The following DLG2 variants were observed in gnomAD, a reference collection of about 807,000 sequenced individuals.
DLG2 encodes the protein discs large MAGUK scaffold protein 2, also known as disks large homolog 2.
A neutral mutation model predicts 132.5 loss-of-function variants in DLG2; 45 were observed. That is an observed-to-expected ratio of 0.34 (90% CI 0.27 to 0.44). The LOEUF (loss-of-function observed/expected upper bound fraction) is 0.44. Among genes scored for constraint, DLG2 ranks in the 20% least tolerant of loss-of-function variants. The pLI, the probability that DLG2 is intolerant of heterozygous loss-of-function variation, is 1.00. For missense variants in DLG2, 1,045 were observed against 1,196.9 expected (o/e 0.87, Z 1.87); for synonymous variants, 424 against 419.6 (o/e 1.01, Z -0.13).
At chr11:84,725,089 T>A (rs917131241) in intron 6 of DLG2, among the ~76,000 whole-genome samples, 14 of 152,134 alleles carry the variant, frequency 9.2e-5, no homozygotes, top group Non-Finnish European at 1.6e-4. Context: ...AGAATATTGA[T>A]AACAGTAATA....
chr11:84,854,233 C>T (rs1344169929), intron 6 of DLG2, among the ~76,000 whole-genome samples: 1 of 151,986 alleles, frequency 6.6e-6, no homozygotes, highest in African/African-American at 2.4e-5. Context: ...GGCCCTCTTA[C>T]AATCTCTTGT....
chr11:84,587,222 T>G (rs2099531930), intron 6 of DLG2, among the ~76,000 whole-genome samples: 1 of 152,150 alleles, frequency 6.6e-6, no homozygotes, highest in South Asian at 2.1e-4. Flanking sequence ...AATCCCAAAT[T>G]TATTTTCTTT....
intron 7 of DLG2, among the ~76,000 whole-genome samples, chr11:84,369,563 G>T (rs2098697866): frequency 6.6e-6 from 1 of 152,118 alleles, no homozygotes; most frequent in Admixed American, 6.6e-5. Flanking sequence ...ATACACACAA[G>T]GAATAGCTTC....
chr11:85,212,223 G>T (rs994561171), intron 4 of DLG2, among the ~76,000 whole-genome samples: 2 of 152,050 alleles, frequency 1.3e-5, no homozygotes, highest in Non-Finnish European at 2.9e-5. Flanking sequence ...TTGCTCTTGA[G>T]ATCATTCATC....
At chr11:85,279,754 A>G (rs1047756591) in intron 4 of DLG2, among the ~76,000 whole-genome samples, 3 of 152,182 alleles carry the variant, frequency 2.0e-5, no homozygotes, top group African/African-American at 7.2e-5. Context: ...TTAAATGTCA[A>G]GAGCCTCATA....
At chr11:84,632,549 C>A (rs964175565) in intron 6 of DLG2, among the ~76,000 whole-genome samples, 1 of 152,118 alleles carries the variant, frequency 6.6e-6, no homozygotes, top group Admixed American at 6.6e-5. Flanking sequence ...CTAAAAGGAG[C>A]ATTTACCATA....
intron 3 of DLG2, among the ~76,000 whole-genome samples, chr11:85,546,983 G>A (rs1178780191): frequency 6.6e-6 from 1 of 151,898 alleles, no homozygotes; most frequent in Non-Finnish European, 1.5e-5. Context: ...TCTTTTAATT[G>A]GGGCATTTAG....
At chr11:83,536,248 C>T (rs1371754913) in intron 20 of DLG2, among the ~76,000 whole-genome samples, 2 of 152,188 alleles carry the variant, frequency 1.3e-5, no homozygotes, top group Non-Finnish European at 2.9e-5. Flanking sequence ...TAGCATACCA[C>T]AAGAAGTTGA....
rs74961782 is a variant in DLG2, at chr11:84,958,688, C to T, written c.357+152973G>A. Reference sequence around the variant, plus strand: ...GACAGAGTAAACTCTGGTGGGAGTACTCTTTTGGGAGTTCTGCTCGCTGTC... The same window carrying T: ...GACAGAGTAAACTCTGGTGGGAGTATTCTTTTGGGAGTTCTGCTCGCTGTC... On this transcript the variant is annotated intron_variant, in intron 6 of 27. Coordinates refer to ENST00000376104, the MANE Select transcript of DLG2 (RefSeq NM_001142699.3). Among the ~76,000 whole-genome samples, 1,622 of 152,244 alleles carry T rather than the reference C, an allele frequency of 0.011. 82 individuals are homozygous for T. The East Asian group carries it at 0.15, about 14-fold the overall frequency.
At chr11:84,834,919 T>G (rs2097059) in intron 6 of DLG2, among the ~76,000 whole-genome samples, 88,845 of 151,204 alleles carry the variant, frequency 0.59, 27,343 homozygotes, top group Middle Eastern at 0.78. Flanking sequence ...AAAAAATTTT[T>G]GGGAAAAAAT....
At chr11:84,782,987 T>C (rs919471717) in intron 6 of DLG2, among the ~76,000 whole-genome samples, 5 of 152,158 alleles carry the variant, frequency 3.3e-5, no homozygotes, top group African/African-American at 1.2e-4. Flanking sequence ...CCTTCCTATG[T>C]ATGAAGCACA....
At chr11:83,859,847 TC>T (rs2061162212) in intron 16 of DLG2, among the ~76,000 whole-genome samples, 1 of 151,906 alleles carries the variant, frequency 6.6e-6, no homozygotes, top group Admixed American at 6.6e-5. Flanking sequence ...AGGCCCAGGG[TC>T]CCTCTTCCGT....
At chr11:84,601,266 G>T (rs1479335500) in intron 6 of DLG2, among the ~76,000 whole-genome samples, 1 of 151,992 alleles carries the variant, frequency 6.6e-6, no homozygotes, top group Non-Finnish European at 1.5e-5. Flanking sequence ...CACATACAGA[G>T]AATATTGCTC....
chr11:85,608,103 T>G (rs777472156), intron 2 of DLG2, among the ~76,000 whole-genome samples: 1 of 152,162 alleles, frequency 6.6e-6, no homozygotes, highest in Non-Finnish European at 1.5e-5. Flanking sequence ...AAACTAGTGT[T>G]TCTGCTGCTG....
At chr11:84,782,852 C>T (rs1479098105) in intron 6 of DLG2, among the ~76,000 whole-genome samples, 1 of 152,100 alleles carries the variant, frequency 6.6e-6, no homozygotes, top group Non-Finnish European at 1.5e-5. Context: ...TTTAATTTTC[C>T]TCTTAAGAGT....
intron 6 of DLG2, among the ~76,000 whole-genome samples, chr11:84,790,999 T>A (rs1306550194): frequency 6.6e-6 from 1 of 152,178 alleles, no homozygotes; most frequent in Non-Finnish European, 1.5e-5. Context: ...GGGTAACTTA[T>A]AAGTGACTCA....
intron 7 of DLG2, among the ~76,000 whole-genome samples, chr11:84,432,026 T>C (rs1467718404): frequency 6.6e-6 from 1 of 152,160 alleles, no homozygotes; most frequent in Non-Finnish European, 1.5e-5. Context: ...TTGAATAAGA[T>C]TGAGAAATCA....
At chr11:84,649,127 T>C (rs924827805) in intron 6 of DLG2, among the ~76,000 whole-genome samples, 2 of 152,178 alleles carry the variant, frequency 1.3e-5, no homozygotes, top group Admixed American at 1.3e-4. Context: ...TGGGGCCATT[T>C]TTCTTTGCAG....
chr11:83,490,753 A>G (rs1326279470), intron 21 of DLG2, among the ~76,000 whole-genome samples: 1 of 151,966 alleles, frequency 6.6e-6, no homozygotes, highest in African/African-American at 2.4e-5. Flanking sequence ...ATTTCTGCCA[A>G]ATATGTCAAT....
Sources: gnomAD v4.1 joint callset for allele counts (sites outside exome capture counted in the v4.1 genomes callset) on GRCh38, gnomAD v4.1.1 for gene constraint, MANE v1.5 for transcripts, NCBI Gene and HGNC (gene_info 2026-07-23, HGNC 2026-07-21) for gene names.